The following NKAIN2 variants were observed in gnomAD, a reference collection of about 807,000 sequenced individuals.
The protein encoded by NKAIN2 is sodium/potassium-transporting ATPase subunit beta-1-interacting protein 2.
In NKAIN2, 14 loss-of-function variants were observed where a neutral mutation model predicts 32.6. The ratio of observed to expected loss-of-function variants is 0.43; its 90% CI spans 0.28 to 0.67. The LOEUF is 0.67. Among genes scored for constraint, NKAIN2 ranks in the 30% least tolerant of loss-of-function variants. The probability of loss-of-function intolerance (pLI) is 0.17; values close to 1 mark genes in which losing one functional copy is unlikely to be tolerated. For missense variants in NKAIN2, 198 were observed against 258.3 expected (o/e 0.77, Z 1.60); for synonymous variants, 80 against 87.2 (o/e 0.92, Z 0.46).
At chr6:124,300,005 G>A (rs1489497342) in intron 2 of NKAIN2, among the ~76,000 whole-genome samples, 1 of 152,164 alleles carries the variant, frequency 6.6e-6, no homozygotes, top group Non-Finnish European at 1.5e-5. Flanking sequence ...CTTTCCAGAG[G>A]CAGAGTTGGG....
At chr6:124,620,339 A>G (rs1783060893) in intron 3 of NKAIN2, among the ~76,000 whole-genome samples, 1 of 152,206 alleles carries the variant, frequency 6.6e-6, no homozygotes, top group African/African-American at 2.4e-5. Context: ...TATGCAAGTA[A>G]TCATAGTTTA....
chr6:124,151,792 T>C (rs1278616533), intron 1 of NKAIN2, among the ~76,000 whole-genome samples: 1 of 152,144 alleles, frequency 6.6e-6, no homozygotes. Flanking sequence ...ATCTTGATAT[T>C]ATCTTTCATG....
intron 3 of NKAIN2, among the ~76,000 whole-genome samples, chr6:124,500,275 C>G (rs1778233261): frequency 6.6e-6 from 1 of 152,132 alleles, no homozygotes; most frequent in Admixed American, 6.5e-5. Context: ...GTACTGACTT[C>G]CAAATGTGTG....
chr6:124,580,900 C>T (rs546055368), intron 3 of NKAIN2, among the ~76,000 whole-genome samples: 4 of 151,740 alleles, frequency 2.6e-5, no homozygotes, highest in Non-Finnish European at 5.9e-5. Flanking sequence ...TATACTTAGA[C>T]GAAATAGATT....
At chr6:124,645,541 G>A (rs1207365090) in intron 3 of NKAIN2, among the ~76,000 whole-genome samples, 14 of 152,108 alleles carry the variant, frequency 9.2e-5, no homozygotes, top group Admixed American at 9.2e-4. Flanking sequence ...CTAATAATAA[G>A]AAGACTTGCA....
chr6:124,305,682 G>A (rs1318343473), intron 2 of NKAIN2, among the ~76,000 whole-genome samples: 1 of 152,136 alleles, frequency 6.6e-6, no homozygotes, highest in Non-Finnish European at 1.5e-5. Context: ...GTGGTAGACT[G>A]CTGATCTTGA....
chr6:123,938,308 A>G lies in NKAIN2; in HGVS notation c.54+134054A>G, dbSNP rs568616782. Among the ~76,000 whole-genome samples the G allele has an allele frequency of 6.8e-4, 102 of 148,978 alleles. 1 individual carries two copies. The South Asian group carries it at 0.02, about 30-fold the overall frequency. ...AGTTTATTTGAACACTTCATGTTTC[A>G]CTGTGATTGTCTTTACAATTCTTCA... is the stretch of plus-strand genomic sequence containing the variant. On this transcript the variant is annotated intron_variant, in intron 1 of 6. Coordinates refer to ENST00000368417, the MANE Select transcript of NKAIN2 (RefSeq NM_001040214.3).
At chr6:124,654,858 C>G (rs914449074) in intron 3 of NKAIN2, among the ~76,000 whole-genome samples, 4 of 152,118 alleles carry the variant, frequency 2.6e-5, no homozygotes, top group African/African-American at 9.7e-5. Flanking sequence ...TCACAGAAAG[C>G]CCCTTGAAAG....
intron 1 of NKAIN2, among the ~76,000 whole-genome samples, chr6:124,122,752 A>G (rs1040845796): frequency 4.6e-5 from 7 of 152,128 alleles, no homozygotes; most frequent in Non-Finnish European, 7.4e-5. Context: ...GTTTAATAAG[A>G]TAGTCCAAAT....
chr6:123,897,358 A>G (rs976512451), intron 1 of NKAIN2, among the ~76,000 whole-genome samples: 5 of 152,106 alleles, frequency 3.3e-5, no homozygotes, highest in African/African-American at 1.2e-4. Context: ...AACACTGTCA[A>G]AGTTTTCTAA....
rs1562367751 is a variant in NKAIN2, at chr6:124,759,644, CA to C, written c.475-31694del. ...ACACACACACACACACACACACACA[CA>C]CACACACACACCCCCTATCTCCCTT... On this transcript the variant is annotated intron_variant, in intron 4 of 6. Coordinates refer to ENST00000368417, the MANE Select transcript of NKAIN2 (RefSeq NM_001040214.3). Among the ~76,000 whole-genome samples, 73 of 112,574 alleles carry C rather than the reference CA, an allele frequency of 6.5e-4. 1 individual carries two copies. Among genetic ancestry groups the C allele is most frequent in the Middle Eastern group, 4.6e-3 (1 of 216 alleles). The allele number at this position is 112,574 out of a possible 152,430, so 73.9% of individuals were successfully genotyped here. A position where few individuals can be genotyped will look rare whatever the true frequency, so the allele number is the denominator to read the frequency against.
chr6:123,943,284 C>T (rs947796525), intron 1 of NKAIN2, among the ~76,000 whole-genome samples: 1 of 152,006 alleles, frequency 6.6e-6, no homozygotes, highest in East Asian at 1.9e-4. Context: ...TTATTCTTTC[C>T]TCAAATACTT....
intron 1 of NKAIN2, among the ~76,000 whole-genome samples, chr6:124,108,750 T>C (rs969932108): frequency 2.0e-5 from 3 of 152,012 alleles, no homozygotes; most frequent in Admixed American, 1.3e-4. Flanking sequence ...TTTCAATCTT[T>C]TGCATGTGGA....
At chr6:124,345,350 A>T (rs533343425) in intron 2 of NKAIN2, among the ~76,000 whole-genome samples, 2 of 152,070 alleles carry the variant, frequency 1.3e-5, no homozygotes, top group African/African-American at 4.8e-5. Context: ...GGCCTCATAA[A>T]ATGAGTTAGG....
intron 1 of NKAIN2, among the ~76,000 whole-genome samples, chr6:124,046,147 T>A (rs948743745): frequency 5.9e-5 from 9 of 152,044 alleles, no homozygotes; most frequent in African/African-American, 2.2e-4. Flanking sequence ...ATTGTGGGTT[T>A]ATATCTGTTG....
intron 4 of NKAIN2, among the ~76,000 whole-genome samples, chr6:124,749,668 T>C (rs1462743084): frequency 6.6e-6 from 1 of 151,930 alleles, no homozygotes; most frequent in East Asian, 2.0e-4. Context: ...GTCCCCCACA[T>C]GCTCTTTCAA....
intron 4 of NKAIN2, among the ~76,000 whole-genome samples, chr6:124,774,093 T>C (rs938851326): frequency 1.1e-4 from 17 of 152,174 alleles, no homozygotes; most frequent in African/African-American, 3.6e-4. Flanking sequence ...AAGAATGACA[T>C]GATCAGACTT....
At chr6:123,869,479 T>A (rs967623394) in intron 1 of NKAIN2, among the ~76,000 whole-genome samples, 1 of 152,208 alleles carries the variant, frequency 6.6e-6, no homozygotes, top group African/African-American at 2.4e-5. Flanking sequence ...TAACTCATTA[T>A]ACTTGCATCC....
intron 1 of NKAIN2, among the ~76,000 whole-genome samples, chr6:123,827,474 A>T (rs1774195118): frequency 6.6e-6 from 1 of 152,172 alleles, no homozygotes; most frequent in African/African-American, 2.4e-5. Flanking sequence ...CAAATACTTG[A>T]TAGATTTTGT....
Sources: gnomAD v4.1 joint callset for allele counts (sites outside exome capture counted in the v4.1 genomes callset) on GRCh38, gnomAD v4.1.1 for gene constraint, MANE v1.5 for transcripts, NCBI Gene and HGNC (gene_info 2026-07-23, HGNC 2026-07-21) for gene names.